KSR2: variants seen among roughly 807,000 people sequenced by gnomAD.
The protein encoded by KSR2 is kinase suppressor of ras 2.
A neutral mutation model predicts 107.8 loss-of-function variants in KSR2; 25 were observed. The ratio of observed to expected loss-of-function variants is 0.23; its 90% CI spans 0.17 to 0.32. The LOEUF (loss-of-function observed/expected upper bound fraction) is 0.32. Ranked by LOEUF, KSR2 falls within the 10% of genes least tolerant of loss-of-function variation. The probability of loss-of-function intolerance (pLI) is 1.00; values close to 1 mark genes in which losing one functional copy is unlikely to be tolerated. For missense variants in KSR2, 887 were observed against 1,268.9 expected (o/e 0.70, Z 4.57); for synonymous variants, 480 against 507.0 (o/e 0.95, Z 0.71).
At chr12:117,648,583 C>A (rs1331861817) in intron 5 of KSR2, among the ~76,000 whole-genome samples, 1 of 152,206 alleles carries the variant, frequency 6.6e-6, no homozygotes, top group Admixed American at 6.5e-5. Context: ...GTGGATGGGA[C>A]AGACCATAAT....
rs549767478 is a variant in KSR2 at position 117,947,259 on chromosome 12, AGAT to A, written c.180+20814_180+20816del. Among the ~76,000 whole-genome samples, 582 of 67,174 alleles carry A rather than the reference AGAT, an allele frequency of 8.7e-3. 3 individuals carry two copies. The highest frequency in any genetic ancestry group is 0.019 in the East Asian group (38 of 2,002). The allele number at this position is 67,174 out of a possible 152,430, so 44.1% of individuals were successfully genotyped here. ...AAAGAAAGAAAGAAAGAAAGAAAGA[AGAT>A]AAACCACATGACCATACTAATTGAT... On this transcript the variant is annotated intron_variant, in intron 1 of 19. Transcript: ENST00000339824.
chr12:117,930,098 G>A (rs1196073980), intron 1 of KSR2, among the ~76,000 whole-genome samples: 1 of 151,812 alleles, frequency 6.6e-6, no homozygotes, highest in Non-Finnish European at 1.5e-5. Flanking sequence ...AGGCTGGAGG[G>A]CCTCAACTCA....
At chr12:117,759,247 G>C (rs1888910364) in intron 4 of KSR2, among the ~76,000 whole-genome samples, 1 of 152,150 alleles carries the variant, frequency 6.6e-6, no homozygotes, top group Non-Finnish European at 1.5e-5. Flanking sequence ...CACAGTTCAT[G>C]GGCCAAATTG....
chr12:117,555,080 A>G, intron 9 of KSR2, 89 bp downstream of exon 9: 5 of 1,520,764 alleles, frequency 3.3e-6, no homozygotes, highest in Non-Finnish European at 4.5e-6. Context: ...AGGGAGCGCC[A>G]TACTCCCAGA....
At chr12:117,519,122 C>T (rs935860574) in intron 14 of KSR2, among the ~76,000 whole-genome samples, 1 of 152,318 alleles carries the variant, frequency 6.6e-6, no homozygotes. Context: ...CTGTGGAAGG[C>T]GCGTTAGTGG....
intron 3 of KSR2, among the ~76,000 whole-genome samples, chr12:117,824,264 G>A (rs975103195): frequency 6.6e-6 from 1 of 151,970 alleles, no homozygotes; most frequent in Admixed American, 6.6e-5. Context: ...CAGGGGGAGG[G>A]GGAGGGGGTA....
chr12:117,694,687 T>G (rs759889044), intron 4 of KSR2, among the ~76,000 whole-genome samples: 2 of 152,150 alleles, frequency 1.3e-5, no homozygotes, highest in African/African-American at 2.4e-5. Flanking sequence ...CACTGACAGA[T>G]GAATGGATGA....
chr12:117,522,590 T>C (rs547877260), intron 14 of KSR2, among the ~76,000 whole-genome samples: 1 of 152,344 alleles, frequency 6.6e-6, no homozygotes, highest in South Asian at 2.1e-4. Context: ...ATCCATGTCC[T>C]TGCAGTGGGA....
chr12:117,738,486 C>G (rs577168784), intron 4 of KSR2, among the ~76,000 whole-genome samples: 17 of 152,266 alleles, frequency 1.1e-4, no homozygotes, highest in Admixed American at 3.9e-4. Context: ...TGTTACTCTA[C>G]TGAATGCTAC....
At chr12:117,870,770 A>G (rs1893624308) in intron 1 of KSR2, among the ~76,000 whole-genome samples, 1 of 152,150 alleles carries the variant, frequency 6.6e-6, no homozygotes, top group African/African-American at 2.4e-5. Flanking sequence ...TCCAATTATG[A>G]TACATTAGAA....
chr12:117,632,657 G>A (rs1486881989), intron 5 of KSR2, among the ~76,000 whole-genome samples: 2 of 152,142 alleles, frequency 1.3e-5, no homozygotes, highest in Non-Finnish European at 2.9e-5. Context: ...CATAGTACCT[G>A]ACAAGCTGTT....
At chr12:117,517,364 T>A (rs1874440962) in intron 14 of KSR2, among the ~76,000 whole-genome samples, 1 of 152,236 alleles carries the variant, frequency 6.6e-6, no homozygotes, top group Non-Finnish European at 1.5e-5. Context: ...GGAGGCATTA[T>A]GGGTGAATTT....
At chr12:117,587,358 C>T (rs1357575639) in intron 5 of KSR2, among the ~76,000 whole-genome samples, 1 of 151,998 alleles carries the variant, frequency 6.6e-6, no homozygotes, top group East Asian at 1.9e-4. Flanking sequence ...GAGAAGTGGA[C>T]ATGACAATGA....
chr12:117,567,714 G>T (rs1005471864), intron 7 of KSR2, among the ~76,000 whole-genome samples: 1 of 151,844 alleles, frequency 6.6e-6, no homozygotes, highest in East Asian at 1.9e-4. Flanking sequence ...TTGCAGCAGG[G>T]CTTGGTTCAC....
chr12:117,803,357 C>A (rs1036928233), intron 3 of KSR2, among the ~76,000 whole-genome samples: 2 of 152,158 alleles, frequency 1.3e-5, no homozygotes, highest in Admixed American at 1.3e-4. Flanking sequence ...TTCCAAGGAG[C>A]ACCAAGATGT....
At chr12:117,750,677 T>A (rs1888581301) in intron 4 of KSR2, among the ~76,000 whole-genome samples, 1 of 151,070 alleles carries the variant, frequency 6.6e-6, no homozygotes, top group Admixed American at 6.6e-5. Flanking sequence ...TATCTAGTTA[T>A]CCCCAGTGTC....
chr12:117,838,951 A>G (rs935275864), intron 3 of KSR2, among the ~76,000 whole-genome samples: 2 of 152,314 alleles, frequency 1.3e-5, no homozygotes, highest in South Asian at 2.1e-4. Context: ...CAGCGTGAAA[A>G]CAGCCATAGA....
chr12:117,576,873 C>G (rs1417054848), intron 7 of KSR2, among the ~76,000 whole-genome samples: 1 of 151,960 alleles, frequency 6.6e-6, no homozygotes, highest in East Asian at 1.9e-4. Context: ...CAAAGCTGGT[C>G]TCAAACTCCT....
chr12:117,717,737 G>A (rs1887054085), intron 4 of KSR2, among the ~76,000 whole-genome samples: 1 of 151,504 alleles, frequency 6.6e-6, no homozygotes, highest in Non-Finnish European at 1.5e-5. Flanking sequence ...GCATGCACGT[G>A]TGCCTGTCCT....
Sources: gnomAD v4.1 joint callset for allele counts (sites outside exome capture counted in the v4.1 genomes callset) on GRCh38, gnomAD v4.1.1 for gene constraint, MANE v1.5 for transcripts, NCBI Gene and HGNC (gene_info 2026-07-23, HGNC 2026-07-21) for gene names.